The following STX2 variants were observed in gnomAD, a reference collection of about 807,000 sequenced individuals.
STX2 encodes syntaxin 2.
In STX2, 27 loss-of-function variants were observed where a neutral mutation model predicts 40.6. The observed-to-expected ratio is 0.66, with a 90% CI of 0.49 to 0.92. The LOEUF (loss-of-function observed/expected upper bound fraction) is 0.92. Among genes scored for constraint, STX2 ranks in the 40% least tolerant of loss-of-function variants. STX2 has a pLI of 0.00. For missense variants in STX2, 328 were observed against 366.1 expected, an observed-to-expected ratio of 0.90 and a Z score of 0.85; for synonymous variants, 123 against 119.1, an observed-to-expected ratio of 1.03 and a Z score of -0.22.
At chr12:130,808,901 C>CT (rs1410061347) in intron 4 of STX2, among the ~76,000 whole-genome samples, 197 bp from the exon 5 acceptor site, 1 of 152,258 alleles carries the variant, frequency 6.6e-6, no homozygotes, top group Non-Finnish European at 1.5e-5. Flanking sequence ...AGGTCTGGCT[C>CT]TATCACCCGG....
At chr12:130,804,044 A>G (rs1221857645) in intron 6 of STX2, among the ~76,000 whole-genome samples, 1 of 152,204 alleles carries the variant, frequency 6.6e-6, no homozygotes, top group African/African-American at 2.4e-5. Context: ...CCTCTTATAC[A>G]TTGTACTATC....
Position 130,796,095 on chromosome 12 carries a change from G to A in STX2, c.812C>T (p.Ser271Leu), listed in dbSNP as rs1263641116. Residue 271 changes from serine (S) to leucine (L), a missense_variant, in exon 10 of 11, where the codon TCA becomes TTA. Ser to Leu is a moderately radical substitution (Grantham distance 145). Transcript: ENST00000392373. ...RRKKWIIIAV[S>L]VVLVAIIALI... ...AGCGATTATGGCAACCAGAACCACT[G>A]ACACAGCAATAATTATCCACTTTTT... 1 of 1,613,984 alleles carries A rather than the reference G, an allele frequency of 6.2e-7. No individual in the cohort carries two copies. The highest frequency in any genetic ancestry group is 1.7e-5 in the Admixed American group (1 of 60,000).
Position 130,805,307 on chromosome 12 carries a change from G to C in STX2, c.463+1675C>G, listed in dbSNP as rs150631662. Among the ~76,000 whole-genome samples the C allele has an allele frequency of 3.1e-4, 47 of 152,274 alleles. 1 individual carries two copies. In the East Asian group the frequency reaches 8.9e-3, roughly 29 times the overall value. On this transcript the variant is annotated intron_variant, in intron 6 of 10. Coordinates refer to ENST00000392373, the MANE Select transcript of STX2 (RefSeq NM_194356.4). ...ACGATTTCCAAGACACTGAGCATCA[G>C]GCCACACACTGATTCCCAACAGATG...
chr12:130,813,454 GT>G (rs1951734325), intron 3 of STX2, among the ~76,000 whole-genome samples: 1 of 152,260 alleles, frequency 6.6e-6, no homozygotes, highest in South Asian at 2.1e-4. Flanking sequence ...TCTCCCGTGT[GT>G]GTGCTTTTCT....
chr12:130,811,996 T>G (rs1755859911), intron 4 of STX2: 1 of 188,914 alleles, frequency 5.3e-6, no homozygotes, highest in Non-Finnish European at 1.1e-5. Flanking sequence ...CAGAGCCTAT[T>G]AAATGTGCTG....
chr12:130,809,227 TACACAGATAC>T (rs1951554771), intron 4 of STX2, among the ~76,000 whole-genome samples: 1 of 151,954 alleles, frequency 6.6e-6, no homozygotes, highest in Admixed American at 6.6e-5. Flanking sequence ...CACACATATA[TACACAGATAC>T]ACACAGATAT....
intron 3 of STX2, among the ~76,000 whole-genome samples, chr12:130,819,820 G>A (rs1952044107): frequency 6.6e-6 from 1 of 152,072 alleles, no homozygotes; most frequent in Admixed American, 6.5e-5. Context: ...TTCCCAAGAG[G>A]GGCTGGGCGA....
At position 130,790,231 on chromosome 12, in the gene STX2, C is replaced by T. The variant is rs569279556; in HGVS notation, c.*1792G>A. On this transcript the variant is annotated 3_prime_UTR_variant, in exon 11 of 11. Coordinates refer to ENST00000392373, the MANE Select transcript of STX2 (RefSeq NM_194356.4). ...CACACAGTGACCACCAGCGAGTGATCCAATGGACGCATCATGGATGAGGGA... is the reference window on the plus strand; with the variant it reads ...CACACAGTGACCACCAGCGAGTGATTCAATGGACGCATCATGGATGAGGGA... The T allele has an allele frequency of 6.6e-6, 1 of 152,346 alleles. No homozygotes were observed. The highest frequency in any genetic ancestry group is 2.4e-5 in the African/African-American group (1 of 41,582). 9.4% of individuals were successfully genotyped at this position (152,346 alleles called of 1,614,324 possible). A position where few individuals can be genotyped will look rare whatever the true frequency, so the allele number is the denominator to read the frequency against.
chr12:130,805,466 T>G (rs1951395056), intron 6 of STX2, among the ~76,000 whole-genome samples: 2 of 152,144 alleles, frequency 1.3e-5, no homozygotes, highest in Non-Finnish European at 2.9e-5. Context: ...CCAAGGCAAC[T>G]GGATTTGCAA....
intron 4 of STX2, 122 bp downstream of exon 4, chr12:130,812,835 T>C (rs915846631): frequency 1.4e-6 from 1 of 694,412 alleles, no homozygotes; most frequent in Non-Finnish European, 2.4e-6. Context: ...ACAAATAATT[T>C]ATTTTAAAGC....
In STX2 at chr12:130,824,955, C is replaced by A. The variant is rs145305141; in HGVS notation, c.105+2238G>T. 7.3e-4 allele frequency among the ~76,000 whole-genome samples: 111 copies of A among 152,224 alleles called. 1 individual carries two copies. The highest frequency in any genetic ancestry group is 2.6e-3 in the African/African-American group (107 of 41,524). ...CTGTTTCCCACATGCCCCTGAGACG[C>A]CAGCAGCAAAGACAGACTGGCACCA... On this transcript the variant is annotated intron_variant, in intron 2 of 10. Transcript: ENST00000392373.
intron 1 of STX2, among the ~76,000 whole-genome samples, chr12:130,832,523 C>G (rs1372909521): frequency 6.6e-6 from 1 of 152,140 alleles, no homozygotes; most frequent in Non-Finnish European, 1.5e-5. Context: ...AAATTGGATG[C>G]CCCCAGCATG....
At chr12:130,806,206 C>T (rs944850996) in intron 6 of STX2, among the ~76,000 whole-genome samples, 5 of 152,208 alleles carry the variant, frequency 3.3e-5, no homozygotes, top group Admixed American at 1.3e-4. Flanking sequence ...GGGGGATGTG[C>T]GGCGTTGGGA....
In STX2 at chr12:130,796,019, A is replaced by G. The variant is rs759693533; in HGVS notation, c.*21T>C. Reference sequence around the variant, plus strand: ...CTCCCACCCTGGCAGAGAGGCATGCACACTGACGTTATCCACACCATCATT... The same window carrying G: ...CTCCCACCCTGGCAGAGAGGCATGCGCACTGACGTTATCCACACCATCATT... On this transcript the variant is annotated 3_prime_UTR_variant, in exon 10 of 11. Transcript: ENST00000392373. 4 of 1,613,844 alleles carry G rather than the reference A, an allele frequency of 2.5e-6. No homozygotes were observed. In the African/African-American group the frequency reaches 5.3e-5, roughly 22 times the overall value.
rs1021940984 is a variant in STX2, at chr12:130,814,039, G to A, written c.206-1008C>T. On this transcript the variant is annotated intron_variant, in intron 3 of 10. Coordinates refer to ENST00000392373, the MANE Select transcript of STX2 (RefSeq NM_194356.4). ...CAGCTGAGCATACGCAGGGTGCCCC[G>A]AGTACCCACTGCACACAAGCGTGTG... is the stretch of plus-strand genomic sequence containing the variant. Among the ~76,000 whole-genome samples the A allele has an allele frequency of 3.3e-5, 5 of 152,158 alleles. No homozygotes were observed. The South Asian group carries it at 6.2e-4, about 19-fold the overall frequency.
At position 130,798,611 on chromosome 12, in the gene STX2, T is replaced by C. The variant is rs1383171707; in HGVS notation, c.700A>G (p.Arg234Gly). 9.4e-6 allele frequency: 15 copies of C among 1,598,206 alleles called. No homozygotes were observed. Among genetic ancestry groups the C allele is most frequent in the Non-Finnish European group, 1.3e-5 (15 of 1,175,234 alleles). ...TAGTCTGTGGCATTCATAACATTTC[T>C]TTCTATGTTGTTGATCATTTCACCC... ...TQGEMINNIERNVMNATDYVE... is the reference protein window; with the variant it reads ...TQGEMINNIEGNVMNATDYVE... The change falls in exon 9 of 11, where the codon AGA becomes GGA. Residue 234 changes from arginine to glycine, a missense_variant. Physicochemically the swap from Arg to Gly is moderately radical, Grantham distance 125. Coordinates refer to ENST00000392373, the MANE Select transcript of STX2 (RefSeq NM_194356.4).
At chr12:130,825,254 C>A (rs1952259732) in intron 2 of STX2, among the ~76,000 whole-genome samples, 1 of 152,162 alleles carries the variant, frequency 6.6e-6, no homozygotes, top group South Asian at 2.1e-4. Flanking sequence ...CCTGGCTGGT[C>A]TGGAACTCCT....
intron 3 of STX2, among the ~76,000 whole-genome samples, chr12:130,818,185 A>AAAAAAAAAAAATAT: frequency 2.8e-5 from 2 of 70,542 alleles, no homozygotes; most frequent in African/African-American, 1.2e-4. Flanking sequence ...AAAAAAAAAA[A>AAAAAAAAAAAATAT]ATATATATAT....
At chr12:130,833,362 G>A (rs2136362263) in intron 1 of STX2, among the ~76,000 whole-genome samples, 1 of 151,798 alleles carries the variant, frequency 6.6e-6, no homozygotes, top group South Asian at 2.1e-4. Flanking sequence ...TCCCTCATGA[G>A]GGCTGATGGT....
Sources: gnomAD v4.1 joint callset for allele counts (sites outside exome capture counted in the v4.1 genomes callset) on GRCh38, gnomAD v4.1.1 for gene constraint, MANE v1.5 for transcripts, NCBI Gene and HGNC (gene_info 2026-07-23, HGNC 2026-07-21) for gene names.